The following SS18 variants were observed in gnomAD, a reference collection of about 807,000 sequenced individuals.
The protein encoded by SS18 is protein SSXT.
SS18 carries 28 observed loss-of-function variants against 72.5 expected under a neutral mutation model. That is an observed-to-expected ratio of 0.39 (90% CI 0.29 to 0.53). The LOEUF (loss-of-function observed/expected upper bound fraction) is 0.53. Among genes scored for constraint, SS18 ranks in the 20% least tolerant of loss-of-function variants. SS18 has a pLI of 0.76. For synonymous variants in SS18, 172 were observed against 164.2 expected (o/e 1.05, Z -0.37); for missense variants, 518 against 535.3 (o/e 0.97, Z 0.32).
At chr18:26,069,182 A>T (rs1244093759) in intron 3 of SS18, among the ~76,000 whole-genome samples, 1 of 152,128 alleles carries the variant, frequency 6.6e-6, no homozygotes, top group Non-Finnish European at 1.5e-5. Flanking sequence ...CTATATCTTT[A>T]TTATCGTCAT....
At chr18:26,081,747 A>ATTTTTTTTTTTTTT (rs2054527364) in intron 2 of SS18, among the ~76,000 whole-genome samples, 1 of 149,068 alleles carries the variant, frequency 6.7e-6, no homozygotes, top group African/African-American at 2.6e-5. Flanking sequence ...TACTTTCTTA[A>ATTTTTTTTTTTTTT]TGTTTTATTC....
rs694947 is a variant in SS18, at chr18:26,039,374, T to G, written c.690A>C (p.Pro230=). ...GGGQHYQGQQ[P]PMGMMGQVNQ... Reference sequence around the variant, plus strand: ...TAACTTGACCCATCATTCCCATAGGTGGCTGCTGTCCTTGGTAATGCTGTC... The same window carrying G: ...TAACTTGACCCATCATTCCCATAGGGGGCTGCTGTCCTTGGTAATGCTGTC... Residue 230 remains proline (P), a synonymous_variant, in exon 6 of 11, where the codon CCA becomes CCC. Coordinates refer to ENST00000415083, the MANE Select transcript of SS18 (RefSeq NM_001007559.3). 6.2e-7 allele frequency: 1 copy of G among 1,613,932 alleles called. No homozygotes were observed. The highest frequency in any genetic ancestry group is 8.5e-7 in the Non-Finnish European group (1 of 1,179,900).
chr18:26,044,969 A>G (rs1172613394), intron 5 of SS18, among the ~76,000 whole-genome samples: 1 of 152,218 alleles, frequency 6.6e-6, no homozygotes, highest in Admixed American at 6.5e-5. Context: ...GTTCAAGGAG[A>G]GGACAACACA....
intron 3 of SS18, among the ~76,000 whole-genome samples, chr18:26,074,480 G>A (rs1433928212): frequency 6.6e-6 from 1 of 152,010 alleles, no homozygotes; most frequent in Non-Finnish European, 1.5e-5. Context: ...GAATGCAGAA[G>A]TAGATGTGAA....
In SS18 at chr18:26,038,621, C is replaced by T. The variant is rs775464140; in HGVS notation, c.814G>A (p.Gly272Arg). 5 of 1,613,338 alleles carry T rather than the reference C, an allele frequency of 3.1e-6. No homozygotes were observed. The highest frequency in any genetic ancestry group is 2.7e-5 in the African/African-American group (2 of 74,866). Residue 272 changes from glycine to arginine, a missense_variant, in exon 7 of 11, where the codon GGG becomes AGG. Gly to Arg is a moderately radical substitution (Grantham distance 125). Transcript: ENST00000415083. ...TGTCCACCATGACTGTATTGGTCCC[C>T]GTAATAGTCTTCCTGGCCTGAGTAC... ...QQYSGQEDYY[G>R]DQYSHGGQGP...
At chr18:26,031,790 C>T (rs182176330) in intron 10 of SS18, among the ~76,000 whole-genome samples, 268 of 152,004 alleles carry the variant, frequency 1.8e-3, no homozygotes, top group African/African-American at 6.2e-3. Flanking sequence ...CAACAGAGGG[C>T]GGAAAGTTTT....
chr18:26,030,356 A>G (rs973074042), intron 10 of SS18, among the ~76,000 whole-genome samples: 2 of 152,248 alleles, frequency 1.3e-5, no homozygotes, highest in Middle Eastern at 3.4e-3. Flanking sequence ...CTTATATATA[A>G]TATTTCCGAA....
intron 9 of SS18, among the ~76,000 whole-genome samples, chr18:26,033,145 C>T (rs1383901259): frequency 6.6e-6 from 1 of 152,134 alleles, no homozygotes; most frequent in African/African-American, 2.4e-5. Flanking sequence ...ATACTTTACC[C>T]ATAAAAATGA....
intron 5 of SS18, among the ~76,000 whole-genome samples, chr18:26,040,146 C>T (rs1284255352): frequency 1.3e-5 from 2 of 152,272 alleles, no homozygotes; most frequent in Admixed American, 6.5e-5. Context: ...CCTCTAAAAA[C>T]AGGCAGAGAC....
chr18:26,029,836 T>C (rs559515512), intron 10 of SS18, among the ~76,000 whole-genome samples: 16 of 152,190 alleles, frequency 1.1e-4, no homozygotes, highest in Non-Finnish European at 2.4e-4. Context: ...AAGAGATCAA[T>C]AGGTCTTTGG....
intron 10 of SS18, among the ~76,000 whole-genome samples, chr18:26,027,594 C>T (rs569785439): frequency 4.9e-4 from 71 of 143,500 alleles, no homozygotes; most frequent in African/African-American, 1.7e-3. Context: ...ATCGCTTGAA[C>T]CCGGAAGGCG....
At position 26,052,859 on chromosome 18, in the gene SS18, T is replaced by C. The variant is rs1446945218; in HGVS notation, c.386-14A>G. Reference sequence around the variant, plus strand: ...TATGGTTAGGCCCTTTGAAGAAAAATGATCAGAAGCAAAATATGAAAGTTA... The same window carrying C: ...TATGGTTAGGCCCTTTGAAGAAAAACGATCAGAAGCAAAATATGAAAGTTA... On this transcript the variant is annotated splice_polypyrimidine_tract_variant and intron_variant, in intron 4 of 10. Coordinates refer to ENST00000415083, the MANE Select transcript of SS18 (RefSeq NM_001007559.3). 1.2e-6 allele frequency: 2 copies of C among 1,605,370 alleles called. No homozygotes were observed. The highest frequency in any genetic ancestry group is 1.7e-6 in the Non-Finnish European group (2 of 1,172,948).
intron 3 of SS18, among the ~76,000 whole-genome samples, chr18:26,058,939 T>A (rs1051296629): frequency 6.6e-6 from 1 of 152,194 alleles, no homozygotes; most frequent in East Asian, 1.9e-4. Context: ...ATTATCTAAC[T>A]TTTAATCATC....
intron 3 of SS18, among the ~76,000 whole-genome samples, chr18:26,063,655 A>G (rs1263945984): frequency 6.6e-6 from 1 of 152,232 alleles, no homozygotes; most frequent in Non-Finnish European, 1.5e-5. Flanking sequence ...AGTTTAAGCT[A>G]TGCTTACAGG....
intron 3 of SS18, among the ~76,000 whole-genome samples, chr18:26,061,182 G>A (rs1021882732): frequency 6.6e-6 from 1 of 151,912 alleles, no homozygotes; most frequent in Non-Finnish European, 1.5e-5. Context: ...ACATGGTGGC[G>A]TGCACCTGTA....
chr18:26,049,042 T>C (rs2041778331), intron 5 of SS18, among the ~76,000 whole-genome samples: 3 of 152,222 alleles, frequency 2.0e-5, no homozygotes. Flanking sequence ...GGCCAAGACA[T>C]ATCCAAATCT....
chr18:26,082,261 A>G, intron 2 of SS18: 1 of 470,210 alleles, frequency 2.1e-6, no homozygotes, highest in Non-Finnish European at 2.8e-6. Context: ...CACTAAGAGT[A>G]ACTCATCAAT....
Position 26,035,084 on chromosome 18 carries a change from T to C in SS18, c.1017A>G (p.Pro339=), listed in dbSNP as rs747917228. The change falls in exon 9 of 11, where the codon CCA becomes CCG. Residue 339 remains proline (P), a synonymous_variant. Coordinates refer to ENST00000415083, the MANE Select transcript of SS18 (RefSeq NM_001007559.3). This position sits in a 1 kb window ranked among gnomAD's most constrained non-coding sequence, Gnocchi z 4.4. ...YGQQQDAYQG[P]PPQQGYPPQQ... is the part of the protein sequence containing the mutation. Reference sequence around the variant, plus strand: ...GGGGTGGATATCCCTGTTGTGGAGGTGGTCCCTGGTATGCATCTTGCTGTT... The same window carrying C: ...GGGGTGGATATCCCTGTTGTGGAGGCGGTCCCTGGTATGCATCTTGCTGTT... 3.7e-6 allele frequency: 6 copies of C among 1,613,444 alleles called. No homozygotes were observed. The highest frequency in any genetic ancestry group is 5.1e-6 in the Non-Finnish European group (6 of 1,179,664).
At chr18:26,023,101 A>G (rs528676113) in intron 10 of SS18, among the ~76,000 whole-genome samples, 1 of 152,336 alleles carries the variant, frequency 6.6e-6, no homozygotes, top group South Asian at 2.1e-4. Context: ...AGGTATACAT[A>G]TATCTTCATC....
Sources: gnomAD v4.1 joint callset for allele counts (sites outside exome capture counted in the v4.1 genomes callset) on GRCh38, gnomAD v4.1.1 for gene constraint, Gnocchi (gnomAD v3.1) non-coding constraint, MANE v1.5 for transcripts, NCBI Gene and HGNC (gene_info 2026-07-23, HGNC 2026-07-21) for gene names.